The following HNF1B variants were observed in gnomAD, a reference collection of about 807,000 sequenced individuals.
The protein encoded by HNF1B is HNF1 homeobox B.
A neutral mutation model predicts 61.7 loss-of-function variants in HNF1B; 8 were observed. That is an observed-to-expected ratio of 0.13 (90% CI 0.08 to 0.23). HNF1B has a LOEUF of 0.23. Among genes scored for constraint, HNF1B ranks in the 10% least tolerant of loss-of-function variants. The probability of loss-of-function intolerance (pLI) is 1.00; values close to 1 mark genes in which losing one functional copy is unlikely to be tolerated. For synonymous variants in HNF1B, 314 were observed against 287.7 expected (o/e 1.09, Z -0.93); for missense variants, 562 against 714.5 (o/e 0.79, Z 2.43).
At chr17:37,710,275 A>G (rs1365386503) in intron 5 of HNF1B, among the ~76,000 whole-genome samples, 1 of 152,254 alleles carries the variant, frequency 6.6e-6, no homozygotes, top group Non-Finnish European at 1.5e-5. Context: ...CAATAAAAAG[A>G]GAGCAGAACT....
Position 37,699,126 on chromosome 17 carries a change from T to A in HNF1B, c.1603A>T (p.Thr535Ser). 1 of 1,614,124 alleles carries A rather than the reference T, an allele frequency of 6.2e-7. No individual in the cohort carries two copies. Among genetic ancestry groups the A allele is most frequent in the African/African-American group, 1.3e-5 (1 of 75,002 alleles). The change falls in exon 8 of 9, where the codon ACA (threonine) becomes TCA (serine). Residue 535 changes from threonine (T) to serine (S), a missense_variant. Physicochemically the swap from Thr to Ser is moderately conservative, Grantham distance 58. Transcript: ENST00000617811. ...AGTGTACTGATGCTGCTGGTATCTG[T>A]GACCACCATTGCAGATGGAAACCGG... ...TSRFPSAMVV[T>S]DTSSISTLTN... is the part of the protein sequence containing the mutation.
intron 4 of HNF1B, among the ~76,000 whole-genome samples, chr17:37,723,530 A>G (rs1472928621): frequency 6.6e-6 from 1 of 152,164 alleles, no homozygotes; most frequent in Non-Finnish European, 1.5e-5. Context: ...AATTTGTACT[A>G]AATGCCTTAC....
chr17:37,716,846 C>CTA (rs1164926794), intron 4 of HNF1B, among the ~76,000 whole-genome samples: 6,961 of 43,972 alleles, frequency 0.16, 227 homozygotes, highest in Non-Finnish European at 0.19. Flanking sequence ...TTAACAATCT[C>CTA]TCTCTCTCTC....
intron 3 of HNF1B, among the ~76,000 whole-genome samples, chr17:37,732,695 G>T (rs2147549309): frequency 6.6e-6 from 1 of 152,172 alleles, no homozygotes; most frequent in African/African-American, 2.4e-5. Context: ...AAAAATAGCT[G>T]GGCCCTGTGG....
At chr17:37,742,974 C>T (rs1260524587) in intron 1 of HNF1B, among the ~76,000 whole-genome samples, 2 of 143,964 alleles carry the variant, frequency 1.4e-5, no homozygotes, top group Non-Finnish European at 3.0e-5. Flanking sequence ...CTCTTTTCAA[C>T]CTAATCACGG....
intron 1 of HNF1B, 76 bp downstream of exon 1, chr17:37,744,465 G>C (rs972182432): frequency 6.8e-7 from 1 of 1,462,394 alleles, no homozygotes; most frequent in African/African-American, 1.4e-5. Flanking sequence ...AGTGTGGTCG[G>C]GCGCAGTGTC....
At chr17:37,733,010 G>GAC (rs2033734150) in intron 3 of HNF1B, among the ~76,000 whole-genome samples, 1 of 152,096 alleles carries the variant, frequency 6.6e-6, no homozygotes, top group South Asian at 2.1e-4. Context: ...GAACTCTGTT[G>GAC]AGTCAGCGGG....
intron 5 of HNF1B, among the ~76,000 whole-genome samples, chr17:37,706,475 C>A (rs914108359): frequency 6.6e-6 from 1 of 152,044 alleles, no homozygotes; most frequent in Non-Finnish European, 1.5e-5. Context: ...CTATCTCCCA[C>A]CCTGCCCTTC....
Position 37,720,378 on chromosome 17 carries a change from G to A in HNF1B, c.1046-9715C>T, listed in dbSNP as rs138565766. 5.3e-5 allele frequency among the ~76,000 whole-genome samples: 8 copies of A among 152,226 alleles called. No homozygotes were observed. The East Asian group carries it at 1.4e-3, about 26-fold the overall frequency. On this transcript the variant is annotated intron_variant, in intron 4 of 8. Transcript: ENST00000617811. ...AACATTAGGGAGAAACTCATGATACGTTCTTTGAAAACTTTCTGGTAACAT... is the reference window on the plus strand; with the variant it reads ...AACATTAGGGAGAAACTCATGATACATTCTTTGAAAACTTTCTGGTAACAT...
chr17:37,703,970 G>A (rs1331024586), intron 6 of HNF1B, among the ~76,000 whole-genome samples: 1 of 152,200 alleles, frequency 6.6e-6, no homozygotes, highest in Non-Finnish European at 1.5e-5. Flanking sequence ...CTAGATACAA[G>A]GAAGGTAAGA....
intron 4 of HNF1B, among the ~76,000 whole-genome samples, chr17:37,718,978 C>A (rs2033215134): frequency 6.6e-6 from 1 of 152,120 alleles, no homozygotes. Context: ...AGCTCTGTCA[C>A]CCAGGCTGGA....
At chr17:37,714,683 G>A (rs1162195137) in intron 4 of HNF1B, among the ~76,000 whole-genome samples, 1 of 152,184 alleles carries the variant, frequency 6.6e-6, no homozygotes. Flanking sequence ...TGGGTGTTGG[G>A]CTATTCCTGG....
intron 2 of HNF1B, 136 bp from the exon 3 acceptor site, chr17:37,733,957 A>C: frequency 2.8e-6 from 3 of 1,058,394 alleles, no homozygotes; most frequent in Non-Finnish European, 4.2e-6. Context: ...CTCTCACTGC[A>C]TGTGGAGCTG....
At chr17:37,727,918 C>T (rs1479827816) in intron 4 of HNF1B, among the ~76,000 whole-genome samples, 1 of 151,896 alleles carries the variant, frequency 6.6e-6, no homozygotes, top group Admixed American at 6.6e-5. Flanking sequence ...GGGCCTTGTT[C>T]CCCCCAGCTC....
chr17:37,691,258 C>T (rs2032192752), intron 8 of HNF1B, among the ~76,000 whole-genome samples: 1 of 152,144 alleles, frequency 6.6e-6, no homozygotes, highest in East Asian at 1.9e-4. Context: ...GAAGTGGAGA[C>T]AGTGAGGACA....
intron 4 of HNF1B, among the ~76,000 whole-genome samples, chr17:37,718,528 T>C (rs965190719): frequency 1.3e-5 from 2 of 152,176 alleles, no homozygotes; most frequent in African/African-American, 4.8e-5. Context: ...GACAAGGTTG[T>C]TTGCACCGCT....
chr17:37,744,902 A>ACTT lies in HNF1B; in HGVS notation c.-19_-18insAAG. 1 of 652,582 alleles carries ACTT rather than the reference A, an allele frequency of 1.5e-6. No homozygotes were observed. Among genetic ancestry groups the ACTT allele is most frequent in the Non-Finnish European group, 2.7e-6 (1 of 369,824 alleles). 40.4% of individuals were successfully genotyped at this position (652,582 alleles called of 1,614,324 possible). ...GACACCATTTTCCAAGGACGGAAAA[A>ACTT]GAAGGGGGTGAGGGGGTGGGTGGGT... On this transcript the variant is annotated 5_prime_UTR_variant, in exon 1 of 9. Coordinates refer to ENST00000617811, the MANE Select transcript of HNF1B (RefSeq NM_000458.4).
chr17:37,744,033 G>C (rs556609072), intron 1 of HNF1B, among the ~76,000 whole-genome samples: 1 of 152,368 alleles, frequency 6.6e-6, no homozygotes, highest in East Asian at 1.9e-4. Context: ...CCCAGATCCC[G>C]GCTCCGGATG....
intron 4 of HNF1B, among the ~76,000 whole-genome samples, chr17:37,723,623 G>A (rs1353635234): frequency 6.6e-6 from 1 of 152,098 alleles, no homozygotes; most frequent in East Asian, 1.9e-4. Flanking sequence ...GCTGCAACAA[G>A]CCAGCCTAAG....
Sources: allele counts gnomAD v4.1 joint callset (sites outside exome capture counted in the v4.1 genomes callset), GRCh38; gene constraint gnomAD v4.1.1; transcripts MANE v1.5; gene names NCBI Gene and HGNC (gene_info 2026-07-23, HGNC 2026-07-21).